The following ANK3 variants were observed in gnomAD, a reference collection of about 807,000 sequenced individuals.
The protein encoded by ANK3 is ankyrin-3.
ANK3 carries 57 observed loss-of-function variants against 370.9 expected under a neutral mutation model. The observed-to-expected ratio is 0.15, with a 90% CI of 0.12 to 0.19. The LOEUF is 0.19. Among genes scored for constraint, ANK3 ranks in the 10% least tolerant of loss-of-function variants. The pLI is 1.00. For synonymous variants in ANK3, 1,929 were observed against 1,946.3 expected (o/e 0.99, Z 0.23); for missense variants, 4,439 against 5,302.1 (o/e 0.84, Z 5.06).
At chr10:60,237,162 G>A (rs2097346746) in intron 7 of ANK3, among the ~76,000 whole-genome samples, 1 of 152,210 alleles carries the variant, frequency 6.6e-6, no homozygotes, top group Admixed American at 6.5e-5. Context: ...TATTTGGTTT[G>A]AGTGAAAGCT....
intron 1 of ANK3, among the ~76,000 whole-genome samples, chr10:60,688,783 C>T (rs1355535092): frequency 6.6e-6 from 1 of 151,800 alleles, no homozygotes; most frequent in African/African-American, 2.4e-5. Flanking sequence ...CCCGTCTCTA[C>T]TAAAAATACA....
intron 8 of ANK3, among the ~76,000 whole-genome samples, chr10:60,220,081 T>C (rs550908700): frequency 4.6e-5 from 7 of 152,302 alleles, no homozygotes; most frequent in African/African-American, 1.2e-4. Context: ...AATGTCCAAA[T>C]GTCTACTTCA....
rs564286058 is a variant in ANK3, at chr10:60,213,310, T to C, written c.996+102A>G. On this transcript the variant is annotated intron_variant, in intron 9 of 43. Transcript: ENST00000280772. ...ATCTGGTGAACATAACTACTCTGAC[T>C]GCTACATTGAAAATGTCATTTTCTA... 86 of 763,026 alleles carry C rather than the reference T, an allele frequency of 1.1e-4. No homozygotes were observed. The South Asian group carries it at 1.6e-3, about 14-fold the overall frequency. 47.3% of individuals were successfully genotyped at this position (763,026 alleles called of 1,614,324 possible).
intron 1 of ANK3, among the ~76,000 whole-genome samples, chr10:60,689,922 C>T (rs976065964): frequency 2.0e-5 from 3 of 151,850 alleles, no homozygotes; most frequent in Non-Finnish European, 2.9e-5. Flanking sequence ...ATATTAAATA[C>T]AAAACAATAC....
At chr10:60,511,760 G>T (rs1041352835) in intron 2 of ANK3, among the ~76,000 whole-genome samples, 1 of 150,116 alleles carries the variant, frequency 6.7e-6, no homozygotes, top group Non-Finnish European at 1.5e-5. Flanking sequence ...CACTTTTCTC[G>T]CACTATCAGC....
chr10:60,310,589 T>C (rs2046139136), intron 1 of ANK3, among the ~76,000 whole-genome samples: 1 of 152,152 alleles, frequency 6.6e-6, no homozygotes, highest in South Asian at 2.1e-4. Flanking sequence ...GTTCAGGAGA[T>C]AGGAAGAGAA....
rs1009413329 is a variant in ANK3, at chr10:60,196,071, G to C, written c.1887+74C>G. 51 of 1,339,752 alleles carry C rather than the reference G, an allele frequency of 3.8e-5. No homozygotes were observed. The African/African-American group carries it at 4.8e-4, about 13-fold the overall frequency. 83.0% of individuals were successfully genotyped at this position (1,339,752 alleles called of 1,614,324 possible). A position where few individuals can be genotyped will look rare whatever the true frequency, so the allele number is the denominator to read the frequency against. On this transcript the variant is annotated intron_variant, in intron 16 of 43. Coordinates refer to ENST00000280772, the MANE Select transcript of ANK3 (RefSeq NM_020987.5). ...AAACTAGGAGGGTGCTCCTGCTGAA[G>C]CAGAAGTAGATGTGCAGATAGAGAC...
At chr10:60,478,113 T>C (rs192513849) in intron 2 of ANK3, among the ~76,000 whole-genome samples, 1 of 152,228 alleles carries the variant, frequency 6.6e-6, no homozygotes, top group East Asian at 1.9e-4. Context: ...TTCAAAGAGA[T>C]GAATTTCTTT....
At chr10:60,046,343 T>G (rs2076960306) in intron 42 of ANK3, among the ~76,000 whole-genome samples, 2 of 152,218 alleles carry the variant, frequency 1.3e-5, no homozygotes, top group Non-Finnish European at 2.9e-5. Flanking sequence ...CAAATATTTT[T>G]GAGCTAACTT....
intron 1 of ANK3, among the ~76,000 whole-genome samples, chr10:60,693,957 C>T (rs1303235796): frequency 4.6e-5 from 7 of 151,712 alleles, no homozygotes; most frequent in African/African-American, 1.2e-4. Context: ...CTCTGAGCTA[C>T]GGGAGGACAT....
At chr10:60,533,398 A>C (rs2076652559) in intron 2 of ANK3, among the ~76,000 whole-genome samples, 1 of 152,144 alleles carries the variant, frequency 6.6e-6, no homozygotes, top group South Asian at 2.1e-4. Context: ...GAGCAGCTGA[A>C]GAAGTGCTCC....
At chr10:60,227,738 C>T (rs2097184712) in intron 8 of ANK3, among the ~76,000 whole-genome samples, 1 of 151,946 alleles carries the variant, frequency 6.6e-6, no homozygotes, top group Admixed American at 6.6e-5. Context: ...ATTTCTGATA[C>T]TGTGTTTTTC....
chr10:60,195,388 CAAAA>C (rs1320105561), intron 16 of ANK3, among the ~76,000 whole-genome samples: 4 of 71,764 alleles, frequency 5.6e-5, no homozygotes, highest in Admixed American at 1.5e-4. Flanking sequence ...CGTCTCCCTC[CAAAA>C]AAAAAAAAAA....
intron 36 of ANK3, 113 bp downstream of exon 36, chr10:60,080,424 G>T: frequency 1.1e-6 from 1 of 896,474 alleles, no homozygotes; most frequent in Non-Finnish European, 1.7e-6. Context: ...TTTTCCTGCA[G>T]GCAATTTTTC....
At chr10:60,182,531 C>T (rs1054581545) in intron 17 of ANK3, among the ~76,000 whole-genome samples, 1 of 152,102 alleles carries the variant, frequency 6.6e-6, no homozygotes, top group Non-Finnish European at 1.5e-5. Flanking sequence ...TTGCTTTCAT[C>T]CATTATGAGC....
At chr10:60,113,383 A>T (rs1416926403) in intron 26 of ANK3, among the ~76,000 whole-genome samples, 1 of 152,172 alleles carries the variant, frequency 6.6e-6, no homozygotes, top group Non-Finnish European at 1.5e-5. Context: ...ATGAGAAAAA[A>T]ATGACAATAC....
chr10:60,269,464 T>C (rs2097929493), intron 5 of ANK3, among the ~76,000 whole-genome samples: 1 of 151,946 alleles, frequency 6.6e-6, no homozygotes, highest in Admixed American at 6.6e-5. Context: ...GCCAAGATGG[T>C]GAAACCCTGT....
intron 8 of ANK3, among the ~76,000 whole-genome samples, chr10:60,224,119 G>A (rs1176874177): frequency 1.3e-5 from 2 of 152,112 alleles, no homozygotes; most frequent in African/African-American, 2.4e-5. Context: ...TCGGGGGATT[G>A]AGGGAGGGGG....
Position 60,642,669 on chromosome 10 carries a change from C to T in ANK3, c.58-27445G>A, listed in dbSNP as rs555090487. ...GCGAGGGATAGCATTAGGAGATATACCTAATGCTAAAGGACGAGTTAATGG... is the reference window on the plus strand; with the variant it reads ...GCGAGGGATAGCATTAGGAGATATATCTAATGCTAAAGGACGAGTTAATGG... On this transcript the variant is annotated intron_variant, in intron 1 of 43. Transcript: ENST00000373827. Among the ~76,000 whole-genome samples the T allele has an allele frequency of 2.6e-5, 4 of 151,878 alleles. No homozygotes were observed. In the South Asian group the frequency reaches 6.2e-4, roughly 24 times the overall value.
Sources: gnomAD v4.1 joint callset for allele counts (sites outside exome capture counted in the v4.1 genomes callset) on GRCh38, gnomAD v4.1.1 for gene constraint, MANE v1.5 for transcripts, NCBI Gene and HGNC (gene_info 2026-07-23, HGNC 2026-07-21) for gene names.